MANBA: variants seen among roughly 807,000 people sequenced by gnomAD.
The protein encoded by MANBA is mannosidase beta.
MANBA carries 83 observed loss-of-function variants against 111.1 expected under a neutral mutation model. The ratio of observed to expected loss-of-function variants is 0.75; its 90% CI spans 0.63 to 0.90. The LOEUF is 0.90. Ranked by LOEUF, MANBA falls within the 40% of genes least tolerant of loss-of-function variation. The pLI is 0.00. For missense variants in MANBA, 1,036 were observed against 1,069.0 expected (o/e 0.97, Z 0.43); for synonymous variants, 370 against 378.7 (o/e 0.98, Z 0.27).
intron 1 of MANBA, among the ~76,000 whole-genome samples, chr4:102,735,159 T>C (rs1296136030): frequency 6.6e-6 from 1 of 152,090 alleles, no homozygotes; most frequent in Non-Finnish European, 1.5e-5. Flanking sequence ...GCCCAGAAAA[T>C]GCCTGACATG....
chr4:102,717,797 G>C (rs1173668579), intron 4 of MANBA, among the ~76,000 whole-genome samples: 1 of 152,218 alleles, frequency 6.6e-6, no homozygotes, highest in Non-Finnish European at 1.5e-5. Context: ...AAGAGGCAGG[G>C]AGATGACTGG....
chr4:102,688,295 GCACA>G (rs112932815), intron 7 of MANBA, among the ~76,000 whole-genome samples: 1,638 of 146,402 alleles, frequency 0.011, 27 homozygotes, highest in African/African-American at 0.037. Flanking sequence ...GCGTGCGCGC[GCACA>G]CACACACACA....
chr4:102,660,057 T>C (rs1730856932), intron 11 of MANBA, among the ~76,000 whole-genome samples: 1 of 152,184 alleles, frequency 6.6e-6, no homozygotes, highest in Admixed American at 6.5e-5. Flanking sequence ...CCACCACACA[T>C]TGCTGATAAC....
rs773984946 is a variant in MANBA, at chr4:102,657,756, T to C, written c.1630A>G (p.Lys544Glu). The change falls in exon 12 of 17, where the codon AAA becomes GAA. Residue 544 changes from lysine to glutamate, a missense_variant. Physicochemically the swap from Lys to Glu is moderately conservative, Grantham distance 56. Coordinates refer to ENST00000647097, the MANE Select transcript of MANBA (RefSeq NM_005908.4). ...YDYISDCWNW[K>E]VFPKARFASE... Reference sequence around the variant, plus strand: ...GCAAATCGAGCTTTTGGGAAAACTTTCCAGTTCCAGCAATCACTGATATAG... The same window carrying C: ...GCAAATCGAGCTTTTGGGAAAACTTCCCAGTTCCAGCAATCACTGATATAG... 1 of 1,613,944 alleles carries C rather than the reference T, an allele frequency of 6.2e-7. No individual in the cohort carries two copies. Among genetic ancestry groups the C allele is most frequent in the Non-Finnish European group, 8.5e-7 (1 of 1,179,862 alleles).
chr4:102,739,178 T>C (rs1723317708), intron 1 of MANBA, among the ~76,000 whole-genome samples: 1 of 152,214 alleles, frequency 6.6e-6, no homozygotes, highest in Admixed American at 6.5e-5. Context: ...TGAACATCTT[T>C]ATGTGCACAA....
intron 1 of MANBA, among the ~76,000 whole-genome samples, chr4:102,749,612 G>A (rs911503170): frequency 2.0e-5 from 3 of 152,128 alleles, no homozygotes; most frequent in African/African-American, 4.8e-5. Context: ...AAAGAACATC[G>A]GGGTTTGAAT....
chr4:102,726,465 A>T, intron 2 of MANBA, 124 bp downstream of exon 2: 2 of 644,678 alleles, frequency 3.1e-6, no homozygotes, highest in South Asian at 3.7e-5. Flanking sequence ...TGTAACCTAA[A>T]CAAACAAAAC....
At chr4:102,672,251 A>G in intron 8 of MANBA, 1 of 394,346 alleles carries the variant, frequency 2.5e-6, no homozygotes, top group Non-Finnish European at 4.5e-6. Flanking sequence ...ATCAAATAAT[A>G]TACTACAATG....
intron 1 of MANBA, chr4:102,751,295 CT>C: frequency 9.3e-6 from 3 of 322,888 alleles, no homozygotes; most frequent in South Asian, 8.0e-5. Context: ...ACTGCAGCTT[CT>C]CGCTTACCTG....
chr4:102,634,958 G>A lies in MANBA; in HGVS notation c.2245C>T (p.Leu749Phe). Residue 749 changes from leucine to phenylalanine, a missense_variant, in exon 16 of 17, where the codon CTT becomes TTT. Physicochemically the swap from Leu to Phe is conservative, Grantham distance 22. Coordinates refer to ENST00000647097, the MANE Select transcript of MANBA (RefSeq NM_005908.4). ...AATTCAGACACTGGCTCCTCATAAA[G>A]GCAGACAGCCTCTCCTCCTTTCATC... The part of the protein sequence containing the change: ...FVMKGGEAVC[L>F]YEEPVSELLR... 6.2e-7 allele frequency: 1 copy of A among 1,614,192 alleles called. No homozygotes were observed.
chr4:102,705,983 C>T (rs1733279166), intron 5 of MANBA, among the ~76,000 whole-genome samples: 1 of 152,192 alleles, frequency 6.6e-6, no homozygotes, highest in South Asian at 2.1e-4. Context: ...ACTGTCAACA[C>T]CAATGCAGAC....
rs116678022 is a variant in MANBA, at chr4:102,706,062, G to A, written c.673+8376C>T. On this transcript the variant is annotated intron_variant, in intron 5 of 16. Transcript: ENST00000647097. Reference sequence around the variant, plus strand: ...TCCCATGCCATACCTGCTGTCCAGGGGCCTGAAGACCCAGCCATCCAGACC... The same window carrying A: ...TCCCATGCCATACCTGCTGTCCAGGAGCCTGAAGACCCAGCCATCCAGACC... Among the ~76,000 whole-genome samples the A allele has an allele frequency of 3.9e-5, 6 of 152,168 alleles. No individual in the cohort carries two copies. In the East Asian group the frequency reaches 1.2e-3, roughly 29 times the overall value.
chr4:102,723,090 T>C (rs1460033125), intron 3 of MANBA, 49 bp from the exon 4 acceptor site: 1 of 1,550,580 alleles, frequency 6.4e-7, no homozygotes, highest in Non-Finnish European at 8.9e-7. Flanking sequence ...GAAGTAGTCT[T>C]GTGTGTAAAA....
At chr4:102,752,989 G>A (rs991118001) in intron 1 of MANBA, among the ~76,000 whole-genome samples, 4 of 151,876 alleles carry the variant, frequency 2.6e-5, no homozygotes, top group Non-Finnish European at 4.4e-5. Context: ...TAAAATTTAC[G>A]GAAAAAGTAC....
At chr4:102,689,819 T>C (rs1732396153) in intron 6 of MANBA, 135 bp from the exon 7 acceptor site, 1 of 659,496 alleles carries the variant, frequency 1.5e-6, no homozygotes, top group Admixed American at 2.4e-5. Flanking sequence ...CCCACCTATA[T>C]TATGCCCAAT....
chr4:102,687,066 G>A (rs1359249803), intron 7 of MANBA, among the ~76,000 whole-genome samples: 2 of 152,036 alleles, frequency 1.3e-5, no homozygotes, highest in Non-Finnish European at 2.9e-5. Context: ...TTCTTTCTGA[G>A]TAATGTAACT....
At chr4:102,685,089 G>T (rs1334096166) in intron 7 of MANBA, among the ~76,000 whole-genome samples, 1 of 152,118 alleles carries the variant, frequency 6.6e-6, no homozygotes, top group African/African-American at 2.4e-5. Context: ...AAGTAACCTA[G>T]TGATGGATGT....
intron 1 of MANBA, chr4:102,728,210 G>A: frequency 1.9e-6 from 1 of 537,930 alleles, no homozygotes; most frequent in Non-Finnish European, 3.8e-6. Context: ...CCTTGGGGCT[G>A]GACTCCTGAG....
At chr4:102,694,988 G>A (rs1410023575) in intron 5 of MANBA, among the ~76,000 whole-genome samples, 4 of 152,022 alleles carry the variant, frequency 2.6e-5, no homozygotes, top group Non-Finnish European at 4.4e-5. Context: ...TCGCTTTAAG[G>A]TTTTCCCAGA....
Sources: gnomAD v4.1 joint callset for allele counts (sites outside exome capture counted in the v4.1 genomes callset) on GRCh38, gnomAD v4.1.1 for gene constraint, MANE v1.5 for transcripts, NCBI Gene and HGNC (gene_info 2026-07-23, HGNC 2026-07-21) for gene names.